The following DGKQ variants were observed in gnomAD, a reference collection of about 807,000 sequenced individuals.
DGKQ encodes the protein DAG kinase theta.
A neutral mutation model predicts 104.2 loss-of-function variants in DGKQ; 97 were observed. The observed-to-expected ratio is 0.93, with a 90% CI of 0.79 to 1.10. DGKQ has a LOEUF of 1.10. Ranked by LOEUF, DGKQ falls within the 50% of genes least tolerant of loss-of-function variation. The probability of loss-of-function intolerance (pLI) is 0.00; values close to 1 mark genes in which losing one functional copy is unlikely to be tolerated. For synonymous variants in DGKQ, 736 were observed against 595.2 expected (o/e 1.24, Z -3.44); for missense variants, 1,465 against 1,352.1 (o/e 1.08, Z -1.31).
chr4:967,593 G>A lies in DGKQ; in HGVS notation c.943C>T (p.Arg315Cys), dbSNP rs766421898. The A allele has an allele frequency of 4.2e-5, 67 of 1,612,576 alleles. No individual in the cohort carries two copies. The highest frequency in any genetic ancestry group is 1.7e-5 in the Admixed American group (1 of 59,988). Residue 315 changes from arginine (R) to cysteine (C), a missense_variant, in exon 8 of 23, where the codon CGC becomes TGC. Transcript: ENST00000273814. Reference protein sequence around the residue: ...GDDAVRRSQFRLVTVSRLAGA... With the variant: ...GDDAVRRSQFCLVTVSRLAGA... ...GCCAGGCGGGACACCGTGACGAGGC[G>A]GAACTGGCTTCTTCTCACCGCGTCG...
Position 968,512 on chromosome 4 carries a change from G to A in DGKQ, c.504C>T (p.Cys168=), listed in dbSNP as rs1679619403. 6.2e-7 allele frequency: 1 copy of A among 1,608,838 alleles called. No individual in the cohort carries two copies. The highest frequency in any genetic ancestry group is 8.5e-7 in the Non-Finnish European group (1 of 1,178,162). The change falls in exon 4 of 23, where the codon TGC becomes TGT. Residue 168 remains cysteine, a synonymous_variant. Coordinates refer to ENST00000273814, the MANE Select transcript of DGKQ (RefSeq NM_001347.4). ...GGTGCCCATCCTGGTGGCACTGGCGGCAGTCACTGCAGGCGAAGGGCACAC... is the reference window on the plus strand; with the variant it reads ...GGTGCCCATCCTGGTGGCACTGGCGACAGTCACTGCAGGCGAAGGGCACAC... ...PDCVPFACSD[C]RQCHQDGHQD...
Position 961,932 on chromosome 4 carries a change from C to T in DGKQ, c.2315+50G>A, listed in dbSNP as rs750393276. Reference sequence around the variant, plus strand: ...CCCTCTGCCTGTTCCTGCTGGGGGACCTGAGGGAGGTATGCCGTTGACAGG... The same window carrying T: ...CCCTCTGCCTGTTCCTGCTGGGGGATCTGAGGGAGGTATGCCGTTGACAGG... On this transcript the variant is annotated intron_variant, in intron 19 of 22. Coordinates refer to ENST00000273814, the MANE Select transcript of DGKQ (RefSeq NM_001347.4). 26 of 1,610,512 alleles carry T rather than the reference C, an allele frequency of 1.6e-5. No homozygotes were observed. The South Asian group carries it at 2.1e-4, about 13-fold the overall frequency.
intron 2 of DGKQ, among the ~76,000 whole-genome samples, chr4:969,946 C>T (rs1712797871): frequency 6.6e-6 from 1 of 152,220 alleles, no homozygotes; most frequent in African/African-American, 2.4e-5. Context: ...ATCATGCATA[C>T]AGTTGAAATA....
intron 8 of DGKQ, 30 bp downstream of exon 8, chr4:967,519 G>A: frequency 1.2e-6 from 2 of 1,601,868 alleles, no homozygotes; most frequent in Non-Finnish European, 1.7e-6. Context: ...CCTGGGAGGG[G>A]GCTCAGACCT....
At chr4:961,301 C>T (rs1341811000) in intron 21 of DGKQ, 100 bp from the exon 22 acceptor site, 5 of 1,163,950 alleles carry the variant, frequency 4.3e-6, no homozygotes, top group South Asian at 3.3e-5. Context: ...GGACCAGGGA[C>T]GCCCACCCTG....
At chr4:966,617 C>A in intron 11 of DGKQ, 90 bp from the exon 12 acceptor site, 2 of 1,511,840 alleles carry the variant, frequency 1.3e-6, no homozygotes, top group Non-Finnish European at 1.8e-6. Flanking sequence ...CGTGGGGATG[C>A]AGGGTGGAGC....
Position 961,211 on chromosome 4 carries a change from G to A in DGKQ, c.2575-10C>T, listed in dbSNP as rs750287277. 2 of 1,541,462 alleles carry A rather than the reference G, an allele frequency of 1.3e-6. No homozygotes were observed. The highest frequency in any genetic ancestry group is 1.7e-6 in the Non-Finnish European group (2 of 1,145,242). ...CACCCTGGACCTGGCCCTGGGGCGG[G>A]AGAGGCCAGCCGGGCTCAGCGGGGA... On this transcript the variant is annotated splice_polypyrimidine_tract_variant and intron_variant, in intron 21 of 22. Coordinates refer to ENST00000273814, the MANE Select transcript of DGKQ (RefSeq NM_001347.4).
chr4:965,615 G>T, intron 13 of DGKQ, 86 bp from the exon 14 acceptor site: 1 of 1,472,430 alleles, frequency 6.8e-7, no homozygotes, highest in South Asian at 1.2e-5. Flanking sequence ...CCTGTCCAGG[G>T]GTGACATCTC....
Position 966,687 on chromosome 4 carries a change from C to CAGCA in DGKQ, c.1366+57_1366+60dup, listed in dbSNP as rs1230942686. The CAGCA allele has an allele frequency of 3.2e-5, 49 of 1,551,590 alleles. No homozygotes were observed. In the Admixed American group the frequency reaches 8.9e-4, roughly 28 times the overall value. On this transcript the variant is annotated intron_variant, in intron 11 of 22. Transcript: ENST00000273814. ...GCACCACCCTGCAGGAAAGCCTGGG[C>CAGCA]AGCAGGTCCAAACCCAAAAGGTGCA...
intron 18 of DGKQ, 97 bp downstream of exon 18, chr4:962,338 A>C: frequency 1.6e-6 from 2 of 1,256,540 alleles, no homozygotes; most frequent in Non-Finnish European, 2.2e-6. Flanking sequence ...GGGCGCGTAC[A>C]CCCGAGTGTG....
At chr4:967,701 G>T in intron 7 of DGKQ, 27 bp downstream of exon 7, 2 of 1,612,138 alleles carry the variant, frequency 1.2e-6, no homozygotes, top group Non-Finnish European at 1.7e-6. Flanking sequence ...CCTCAGTGGA[G>T]TTGGGGGGAA....
Position 973,546 on chromosome 4 carries a change from C to CT in DGKQ, c.-65_-64insA, listed in dbSNP as rs1387135707. 12 of 981,396 alleles carry CT rather than the reference C, an allele frequency of 1.2e-5. No homozygotes were observed. In the African/African-American group the frequency reaches 2.1e-4, roughly 17 times the overall value. The allele number at this position is 981,396 out of a possible 1,614,324, so 60.8% of individuals were successfully genotyped here. On this transcript the variant is annotated 5_prime_UTR_variant, in exon 1 of 23. Coordinates refer to ENST00000273814, the MANE Select transcript of DGKQ (RefSeq NM_001347.4). ...CGGGGGTACAGGAGCCGCCGCTCCA[C>CT]GGCCCGGTACACTGCTTCCGACTGC...
At chr4:962,302 T>C (rs1711942360) in intron 18 of DGKQ, 133 bp downstream of exon 18, 1 of 1,032,298 alleles carries the variant, frequency 9.7e-7, no homozygotes, top group African/African-American at 1.6e-5. Flanking sequence ...CTCCCTCAAC[T>C]GCCCGCTTTG....
intron 19 of DGKQ, 44 bp from the exon 20 acceptor site, chr4:961,878 C>T (rs113059104): frequency 1.3e-5 from 21 of 1,596,420 alleles, no homozygotes; most frequent in African/African-American, 2.7e-5. Flanking sequence ...GAAGCCCTAC[C>T]CCGCCTTAGG....
At chr4:961,944 A>T in intron 19 of DGKQ, 38 bp downstream of exon 19, 1 of 1,611,172 alleles carries the variant, frequency 6.2e-7, no homozygotes, top group Non-Finnish European at 8.5e-7. Context: ...TGAGGGAGGT[A>T]TGCCGTTGAC....
Position 962,420 on chromosome 4 carries a change from C to A in DGKQ, c.2214+15G>T. 6.5e-7 allele frequency: 1 copy of A among 1,544,640 alleles called. No homozygotes were observed. Among genetic ancestry groups the A allele is most frequent in the African/African-American group, 1.4e-5 (1 of 73,552 alleles). On this transcript the variant is annotated intron_variant, in intron 18 of 22. Transcript: ENST00000273814. ...CAGGAGCCTGGAAGGCACCCCACGC[C>A]GGGCTGCCCTGTACCTTGGGGGGCT...
Position 967,069 on chromosome 4 carries a change from T to A in DGKQ, c.1221-15A>T, listed in dbSNP as rs1340820731. On this transcript the variant is annotated splice_polypyrimidine_tract_variant and intron_variant, in intron 9 of 22. Coordinates refer to ENST00000273814, the MANE Select transcript of DGKQ (RefSeq NM_001347.4). The stretch of plus-strand genomic sequence containing the variant: ...CCACGCCCACCCTGTGGGGACACAG[T>A]CTGAGCTGGAGCTCCCCCCACCCCG... 1 of 1,547,924 alleles carries A rather than the reference T, an allele frequency of 6.5e-7. No homozygotes were observed. Among genetic ancestry groups the A allele is most frequent in the South Asian group, 1.2e-5 (1 of 83,226 alleles).
chr4:968,328 GA>G lies in DGKQ; in HGVS notation c.616del (p.Ser206ProfsTer95). On this transcript the variant is annotated frameshift_variant, in exon 5 of 23. Coordinates refer to ENST00000273814, the MANE Select transcript of DGKQ (RefSeq NM_001347.4). LOFTEE classifies it high-confidence loss of function. Reference sequence around the variant, plus strand: ...GCGCACGCCGGCCAGCACGTCAGAGGAGCCGCACGTCTTCCTGCAGACCTCG... The same window carrying G: ...GCGCACGCCGGCCAGCACGTCAGAGGGCCGCACGTCTTCCTGCAGACCTCG... ...RCEVCRKTCGSSDVLAGVRCE... is the reference protein window; with the variant it reads ...RCEVCRKTCGXSDVLAGVRCE... 7.5e-7 allele frequency: 1 copy of G among 1,335,280 alleles called. No homozygotes were observed. Among genetic ancestry groups the G allele is most frequent in the Non-Finnish European group, 9.7e-7 (1 of 1,031,162 alleles). The allele number at this position is 1,335,280 out of a possible 1,614,324, so 82.7% of individuals were successfully genotyped here.
rs1215794451 is a variant in DGKQ, at chr4:971,668, G to A, written c.272-596C>T. ...GCACCTGAGCCGGCGGGGTGCTCAG[G>A]AGGGCATAAGAGGAGCAAGCGCCAC... On this transcript the variant is annotated intron_variant, in intron 1 of 22. Coordinates refer to ENST00000273814, the MANE Select transcript of DGKQ (RefSeq NM_001347.4). The surrounding 1 kb of genome is among the most constrained non-coding windows in gnomAD (Gnocchi z 4.0). Among the ~76,000 whole-genome samples, 2 of 152,136 alleles carry A rather than the reference G, an allele frequency of 1.3e-5. No homozygotes were observed. The highest frequency in any genetic ancestry group is 2.9e-5 in the Non-Finnish European group (2 of 68,020).
Sources: gnomAD v4.1 joint callset for allele counts (sites outside exome capture counted in the v4.1 genomes callset) on GRCh38, gnomAD v4.1.1 for gene constraint, Gnocchi (gnomAD v3.1) non-coding constraint, MANE v1.5 for transcripts, NCBI Gene and HGNC (gene_info 2026-07-23, HGNC 2026-07-21) for gene names.